RRP1B: variants seen among roughly 807,000 people sequenced by gnomAD.
RRP1B encodes the protein ribosomal RNA processing protein 1 homolog B.
Under a neutral mutation model 80.2 loss-of-function variants are expected in RRP1B, and 56 were observed. The observed-to-expected ratio is 0.70, with a 90% CI of 0.56 to 0.87. The LOEUF (loss-of-function observed/expected upper bound fraction) is 0.87. RRP1B is among the 40% of genes least tolerant of loss of function. RRP1B has a pLI of 0.00. For missense variants in RRP1B, 807 were observed against 939.8 expected (o/e 0.86, Z 1.85); for synonymous variants, 351 against 357.6 (o/e 0.98, Z 0.21).
chr21:43,680,783 A>G (rs1396045963), intron 8 of RRP1B, among the ~76,000 whole-genome samples: 1 of 152,100 alleles, frequency 6.6e-6, no homozygotes, highest in South Asian at 2.1e-4. Flanking sequence ...AGGCTTAAGC[A>G]TTCCACCCAC....
chr21:43,687,016 C>A, intron 12 of RRP1B, 81 bp downstream of exon 12: 2 of 1,453,758 alleles, frequency 1.4e-6, no homozygotes, highest in Non-Finnish European at 1.9e-6. Context: ...GAGACTTGAG[C>A]TCGTGCCGTC....
At chr21:43,686,473 C>T in intron 11 of RRP1B, 1 of 252,992 alleles carries the variant, frequency 4.0e-6, no homozygotes, top group East Asian at 8.4e-5. Flanking sequence ...GTGAAGTTAC[C>T]CCATACCCGT....
intron 4 of RRP1B, among the ~76,000 whole-genome samples, chr21:43,674,286 AGCTGG>A (rs1426942705): frequency 1.3e-5 from 2 of 152,104 alleles, no homozygotes; most frequent in African/African-American, 4.8e-5. Context: ...CCTCCTGAGT[AGCTGG>A]GATTACAGAC....
At chr21:43,688,723 G>A (rs2083074589) in intron 13 of RRP1B, among the ~76,000 whole-genome samples, 1 of 152,104 alleles carries the variant, frequency 6.6e-6, no homozygotes, top group Non-Finnish European at 1.5e-5. Context: ...TCACTAGCAG[G>A]ACCACTTATC....
At chr21:43,668,834 G>C (rs1270809895) in intron 1 of RRP1B, among the ~76,000 whole-genome samples, 1 of 152,170 alleles carries the variant, frequency 6.6e-6, no homozygotes, top group Admixed American at 6.5e-5. Context: ...ATCAAGACTT[G>C]AGGATTCTGT....
chr21:43,662,705 C>G (rs150195601), intron 1 of RRP1B, among the ~76,000 whole-genome samples: 1 of 152,344 alleles, frequency 6.6e-6, no homozygotes, highest in East Asian at 1.9e-4. Context: ...ATAAAATGAT[C>G]ACTCTCCATG....
At chr21:43,668,916 T>C (rs904537637) in intron 1 of RRP1B, among the ~76,000 whole-genome samples, 1 of 152,228 alleles carries the variant, frequency 6.6e-6, no homozygotes, top group Admixed American at 6.5e-5. Flanking sequence ...CATTTTGTGA[T>C]TCTTTATGTC....
In RRP1B at chr21:43,687,577, G is replaced by A. The variant is rs771417023; in HGVS notation, c.1203G>A (p.Arg401=). ...AAAGCAGTCTTCAAAAGAGAAGAAG[G>A]AAGAAGAAGAAGAAGCACCACCTGC... ...DSESSLQKRR[R]KKKKKHHLQP... Residue 401 remains arginine (R), a synonymous_variant, in exon 13 of 16, where the codon AGG becomes AGA. Coordinates refer to ENST00000340648, the MANE Select transcript of RRP1B (RefSeq NM_015056.3). The A allele has an allele frequency of 1.3e-6, 2 of 1,501,322 alleles. No homozygotes were observed. Among genetic ancestry groups the A allele is most frequent in the Non-Finnish European group, 8.8e-7 (1 of 1,131,426 alleles). The allele number at this position is 1,501,322 out of a possible 1,614,324, so 93.0% of individuals were successfully genotyped here.
chr21:43,673,144 AGT>A lies in RRP1B; in HGVS notation c.272-723_272-722del, dbSNP rs564630400. Among the ~76,000 whole-genome samples the A allele has an allele frequency of 2.8e-3, 433 of 152,338 alleles. 2 individuals carry two copies. Among genetic ancestry groups the A allele is most frequent in the Middle Eastern group, 0.017 (5 of 294 alleles). On this transcript the variant is annotated intron_variant, in intron 3 of 15. Transcript: ENST00000340648. ...TATGAGTTTCTATATGGATTATATA[AGT>A]GTCAGAATTAATGGTTTTGAACTGA...
intron 3 of RRP1B, among the ~76,000 whole-genome samples, 168 bp downstream of exon 3, chr21:43,672,533 G>T (rs2083003996): frequency 6.6e-6 from 1 of 152,192 alleles, no homozygotes; most frequent in South Asian, 2.1e-4. Flanking sequence ...GTCTTGGGGA[G>T]AATCAATTTG....
In RRP1B at chr21:43,687,795, G is replaced by A. The variant is rs374819358; in HGVS notation, c.1421G>A (p.Arg474Gln). Reference protein sequence around the residue: ...PAVPMHNKRKRPRKKSPRAHR... With the variant: ...PAVPMHNKRKQPRKKSPRAHR... ...GTCCCCATGCACAATAAAAGGAAAC[G>A]GCCACGGAAGAAGAGCCCGAGGGCC... Residue 474 changes from arginine to glutamine, a missense_variant, in exon 13 of 16, where the codon CGG becomes CAG. Transcript: ENST00000340648. 5.7e-5 allele frequency: 92 copies of A among 1,613,150 alleles called. No homozygotes were observed. Among genetic ancestry groups the A allele is most frequent in the South Asian group, 8.8e-5 (8 of 91,092 alleles).
At chr21:43,681,348 C>T (rs765454668) in intron 8 of RRP1B, among the ~76,000 whole-genome samples, 2 of 149,908 alleles carry the variant, frequency 1.3e-5, no homozygotes, top group Non-Finnish European at 2.9e-5. Context: ...ACCTGGTGGA[C>T]GGGAAGTAAT....
intron 4 of RRP1B, among the ~76,000 whole-genome samples, chr21:43,674,220 G>C (rs1021201458): frequency 6.6e-6 from 1 of 152,182 alleles, no homozygotes; most frequent in Non-Finnish European, 1.5e-5. Context: ...GCAGTGGTGC[G>C]ATCTCAGCTC....
At chr21:43,675,449 T>C (rs2083017978) in intron 6 of RRP1B, among the ~76,000 whole-genome samples, 1 of 152,154 alleles carries the variant, frequency 6.6e-6, no homozygotes, top group Non-Finnish European at 1.5e-5. Flanking sequence ...GGGAGCTTTA[T>C]AAAGCGCTAG....
intron 1 of RRP1B, among the ~76,000 whole-genome samples, chr21:43,664,667 C>T (rs4819284): frequency 0.5 from 76,086 of 151,992 alleles, 20,433 homozygotes; most frequent in East Asian, 0.7. Context: ...CCTGTTCTCA[C>T]GCTGCTAATA....
chr21:43,679,308 G>A (rs996538307), intron 8 of RRP1B, among the ~76,000 whole-genome samples: 17 of 150,676 alleles, frequency 1.1e-4, no homozygotes, highest in African/African-American at 3.4e-4. Flanking sequence ...TTGCTCTGTC[G>A]CCCAGGCTGG....
At position 43,659,620 on chromosome 21, in the gene RRP1B, A is replaced by G. The variant is rs1409720270; in HGVS notation, c.-45A>G. 7.1e-7 allele frequency: 1 copy of G among 1,417,018 alleles called. No individual in the cohort carries two copies. The allele number at this position is 1,417,018 out of a possible 1,614,324, so 87.8% of individuals were successfully genotyped here. The stretch of plus-strand genomic sequence containing the variant: ...TGCTCCGCAGCGCTCGGCTGGCTGC[A>G]GCGGCACCGCGGGTTGCGCGGCCGG... On this transcript the variant is annotated 5_prime_UTR_variant, in exon 1 of 16. Coordinates refer to ENST00000340648, the MANE Select transcript of RRP1B (RefSeq NM_015056.3). The surrounding 1 kb of genome is among the most constrained non-coding windows in gnomAD (Gnocchi z 4.2).
chr21:43,669,293 C>T (rs551087571), intron 1 of RRP1B, among the ~76,000 whole-genome samples: 1 of 152,220 alleles, frequency 6.6e-6, no homozygotes, highest in Non-Finnish European at 1.5e-5. Context: ...CCACTTTTGA[C>T]CTTATACTAG....
Position 43,693,207 on chromosome 21 carries a change from A to G in RRP1B, c.2101A>G (p.Lys701Glu). Residue 701 changes from lysine (K) to glutamate (E), a missense_variant, in exon 16 of 16, where the codon AAG becomes GAG. Lys to Glu is a moderately conservative substitution (Grantham distance 56). Transcript: ENST00000340648. The surrounding 1 kb of genome is among the most constrained non-coding windows in gnomAD (Gnocchi z 4.1). The part of the protein sequence containing the change: ...NMTAEFKKTD[K>E]SILVSPTGPS... ...TGGGACAGAATTCAAGAAGACAGAC[A>G]AGAGTATCTTGGTCAGTCCCACGGG... is the stretch of plus-strand genomic sequence containing the variant. 1 of 1,613,976 alleles carries G rather than the reference A, an allele frequency of 6.2e-7. No homozygotes were observed.
Sources: gnomAD v4.1 joint callset for allele counts (sites outside exome capture counted in the v4.1 genomes callset) on GRCh38, gnomAD v4.1.1 for gene constraint, Gnocchi (gnomAD v3.1) non-coding constraint, MANE v1.5 for transcripts, NCBI Gene and HGNC (gene_info 2026-07-23, HGNC 2026-07-21) for gene names.